The following QTMAN variants were observed in gnomAD, a reference collection of about 807,000 sequenced individuals.
QTMAN encodes the protein queuosine-tRNA mannosyltransferase.
the QTMAN span, among the ~76,000 whole-genome samples, chr2:144,001,036 C>A: frequency 6.6e-6 from 1 of 151,952 alleles, no homozygotes; most frequent in Non-Finnish European, 1.5e-5. Flanking sequence ...AGATGGCTTA[C>A]TCACCATACT....
the QTMAN span, among the ~76,000 whole-genome samples, chr2:143,989,086 A>T: frequency 6.6e-6 from 1 of 152,014 alleles, no homozygotes; most frequent in Non-Finnish European, 1.5e-5. Context: ...TGATTTTGAG[A>T]TATTCTGTTT....
chr2:144,320,737 G>T, the QTMAN span, among the ~76,000 whole-genome samples: 1 of 152,132 alleles, frequency 6.6e-6, no homozygotes, highest in African/African-American at 2.4e-5. Flanking sequence ...GCTGAGTCAC[G>T]GCATTCTTTG....
At chr2:144,006,475 A>G in the QTMAN span, 1 of 152,164 alleles carries the variant, frequency 6.6e-6, no homozygotes, top group African/African-American at 2.4e-5. Flanking sequence ...CCACATGCAG[A>G]TTAAACTAAC....
At chr2:144,288,789 G>A in the QTMAN span, among the ~76,000 whole-genome samples, 3 of 152,212 alleles carry the variant, frequency 2.0e-5, no homozygotes, top group Admixed American at 1.3e-4. Flanking sequence ...TTGAGTTAGC[G>A]AAATCTACTG....
the QTMAN span, among the ~76,000 whole-genome samples, chr2:144,330,850 C>A: frequency 6.6e-6 from 1 of 152,198 alleles, no homozygotes; most frequent in Non-Finnish European, 1.5e-5. Flanking sequence ...TTCTTAATTT[C>A]TCTATAAAAT....
At chr2:144,240,960 T>TTAA in the QTMAN span, among the ~76,000 whole-genome samples, 1 of 152,164 alleles carries the variant, frequency 6.6e-6, no homozygotes, top group Admixed American at 6.5e-5. Flanking sequence ...TAGAATCCCC[T>TTAA]GGATAGCTTA....
At chr2:144,242,333 G>T in the QTMAN span, among the ~76,000 whole-genome samples, 1 of 151,560 alleles carries the variant, frequency 6.6e-6, no homozygotes, top group Admixed American at 6.6e-5. Flanking sequence ...AGGAGAAAAA[G>T]TTACTTCTAT....
At chr2:144,195,939 TAGTA>T in the QTMAN span, among the ~76,000 whole-genome samples, 1 of 152,162 alleles carries the variant, frequency 6.6e-6, no homozygotes, top group Non-Finnish European at 1.5e-5. Flanking sequence ...TATAATAAAA[TAGTA>T]AGTCAAGGAT....
the QTMAN span, among the ~76,000 whole-genome samples, chr2:144,069,824 C>G: frequency 3.3e-5 from 5 of 152,116 alleles, no homozygotes; most frequent in Admixed American, 6.5e-5. Flanking sequence ...TCATTGGACA[C>G]TTATTTTTTG....
chr2:144,092,264 C>T, the QTMAN span, among the ~76,000 whole-genome samples: 1 of 151,822 alleles, frequency 6.6e-6, no homozygotes, highest in Non-Finnish European at 1.5e-5. Flanking sequence ...CAAGCTCCGC[C>T]TCCCAGGTTC....
At chr2:144,019,023 A>T in the QTMAN span, among the ~76,000 whole-genome samples, 1 of 152,182 alleles carries the variant, frequency 6.6e-6, no homozygotes, top group African/African-American at 2.4e-5. Flanking sequence ...CCAGAGATAA[A>T]AATCAAAACA....
At chr2:144,192,539 C>T in the QTMAN span, among the ~76,000 whole-genome samples, 1 of 152,160 alleles carries the variant, frequency 6.6e-6, no homozygotes, top group Non-Finnish European at 1.5e-5. Context: ...TCTCCTGCAG[C>T]ATATTTACCT....
chr2:143,941,709 A>T, the QTMAN span: 2 of 151,800 alleles, frequency 1.3e-5, no homozygotes, highest in Admixed American at 6.6e-5. Flanking sequence ...GCCACACTAC[A>T]TAGTCTCTTA....
chr2:144,289,459 T>A, the QTMAN span, among the ~76,000 whole-genome samples: 1 of 152,128 alleles, frequency 6.6e-6, no homozygotes, highest in Non-Finnish European at 1.5e-5. Flanking sequence ...GTGTAGAACA[T>A]GAGAACATGT....
chr2:144,103,882 G>C, the QTMAN span, among the ~76,000 whole-genome samples: 1 of 152,090 alleles, frequency 6.6e-6, no homozygotes, highest in African/African-American at 2.4e-5. Context: ...TTGAGGTCAG[G>C]AGCTCAAGAG....
the QTMAN span, among the ~76,000 whole-genome samples, chr2:144,215,561 T>G: frequency 1.3e-5 from 2 of 152,202 alleles, no homozygotes; most frequent in African/African-American, 4.8e-5. Flanking sequence ...ACAAGATTTT[T>G]CTTTCTGTGA....
the QTMAN span, among the ~76,000 whole-genome samples, chr2:144,111,335 A>C: frequency 6.6e-6 from 1 of 152,086 alleles, no homozygotes; most frequent in African/African-American, 2.4e-5. Flanking sequence ...CCGGGTTCAC[A>C]CCTCTGGGGC....
At chr2:144,187,622 A>G in the QTMAN span, among the ~76,000 whole-genome samples, 2 of 152,192 alleles carry the variant, frequency 1.3e-5, no homozygotes, top group Non-Finnish European at 2.9e-5. Flanking sequence ...CTGGTTTCAG[A>G]ATTAATGACT....
At chr2:144,073,870 C>T in the QTMAN span, among the ~76,000 whole-genome samples, 4 of 152,146 alleles carry the variant, frequency 2.6e-5, no homozygotes, top group Admixed American at 6.6e-5. Flanking sequence ...TCATGGACTC[C>T]GCAAGGCATT....
Sources: gnomAD v4.1 joint callset for allele counts (sites outside exome capture counted in the v4.1 genomes callset) on GRCh38, gnomAD v4.1.1 for gene constraint, MANE v1.5 for transcripts, NCBI Gene and HGNC (gene_info 2026-07-23, HGNC 2026-07-21) for gene names.